TENM1: variants seen among roughly 807,000 people sequenced by gnomAD.
TENM1 encodes the protein teneurin transmembrane protein 1, also known as teneurin-1.
Under a neutral mutation model 174.8 loss-of-function variants are expected in TENM1, and 35 were observed. The ratio of observed to expected loss-of-function variants is 0.20; its 90% CI spans 0.15 to 0.27. TENM1 has a LOEUF of 0.27. Ranked by LOEUF, TENM1 falls within the 10% of genes least tolerant of loss-of-function variation. The pLI is 1.00. For missense variants in TENM1, 1,633 were observed against 2,130.1 expected (o/e 0.77, Z 4.59); for synonymous variants, 781 against 798.7 (o/e 0.98, Z 0.37).
At chrX:124,689,556 A>T (rs2052463426) in intron 5 of TENM1, among the ~76,000 whole-genome samples, 1 of 111,863 alleles carries the variant, frequency 8.9e-6, no homozygotes, top group African/African-American at 3.2e-5. Flanking sequence ...AAGTGAGGGC[A>T]CAGGCTCTTT....
chrX:124,509,877 C>A (rs1163874031), intron 18 of TENM1, among the ~76,000 whole-genome samples: 3 of 107,539 alleles, frequency 2.8e-5, no homozygotes, highest in African/African-American at 1.1e-4. Context: ...TGTGCCACCA[C>A]GCCTGGCTAA....
intron 1 of TENM1, among the ~76,000 whole-genome samples, chrX:124,917,199 C>T (rs1453674635): frequency 8.9e-6 from 1 of 111,863 alleles, no homozygotes; most frequent in Non-Finnish European, 1.9e-5. Flanking sequence ...ATAAAGCTGG[C>T]CTGCAGAGAG....
At chrX:124,426,436 C>T (rs901985438) in intron 23 of TENM1, among the ~76,000 whole-genome samples, 20 of 112,134 alleles carry the variant, frequency 1.8e-4, no homozygotes, top group Admixed American at 1.6e-3. Flanking sequence ...CCTACTACTT[C>T]CCCAGCTCAA....
At chrX:124,464,240 A>G (rs1353085008) in intron 22 of TENM1, among the ~76,000 whole-genome samples, 1 of 111,458 alleles carries the variant, frequency 9.0e-6, no homozygotes, top group African/African-American at 3.3e-5. Flanking sequence ...GCAAAAAACT[A>G]ATTGCAGTTG....
At chrX:124,702,892 C>T (rs2052808385) in intron 5 of TENM1, among the ~76,000 whole-genome samples, 1 of 111,233 alleles carries the variant, frequency 9.0e-6, no homozygotes, top group African/African-American at 3.3e-5. Flanking sequence ...CATTTTTTTC[C>T]AACAAACTTT....
At chrX:124,611,030 G>A (rs748158943) in intron 11 of TENM1, among the ~76,000 whole-genome samples, 10 of 110,782 alleles carry the variant, frequency 9.0e-5, no homozygotes, top group Admixed American at 7.7e-4. Context: ...TGGGACACTT[G>A]GACTAGTCAG....
At chrX:124,881,485 C>T (rs2057301305) in intron 3 of TENM1, among the ~76,000 whole-genome samples, 1 of 109,020 alleles carries the variant, frequency 9.2e-6, no homozygotes, top group South Asian at 3.9e-4. Context: ...ATTTGTTGTT[C>T]CTTTGTATTA....
chrX:124,793,246 T>C (rs1435416429), intron 3 of TENM1, among the ~76,000 whole-genome samples: 1 of 111,737 alleles, frequency 8.9e-6, no homozygotes, highest in Admixed American at 9.5e-5. Context: ...GTTTCTATGA[T>C]GATCAGTAAA....
intron 11 of TENM1, among the ~76,000 whole-genome samples, chrX:124,614,728 C>A (rs1334839114): frequency 8.9e-6 from 1 of 111,867 alleles, no homozygotes; most frequent in Non-Finnish European, 1.9e-5. Context: ...ACTAAAAATA[C>A]AAAAATTAGC....
At chrX:124,867,480 A>G in intron 3 of TENM1, among the ~76,000 whole-genome samples, 1 of 112,117 alleles carries the variant, frequency 8.9e-6, no homozygotes, top group Non-Finnish European at 1.9e-5. Flanking sequence ...GGATAGAAGA[A>G]AGATATCCCA....
chrX:125,088,230 A>G, the TENM1 span, among the ~76,000 whole-genome samples: 1 of 111,648 alleles, frequency 9.0e-6, no homozygotes, highest in African/African-American at 3.3e-5. Flanking sequence ...ATATTTCATA[A>G]AACACCTAAT....
At position 124,847,556 on chromosome X, in the gene TENM1, A is replaced by ATGTG. The variant is rs370189803; in HGVS notation, c.535+46736_535+46739dup. Among the ~76,000 whole-genome samples, 676 of 109,981 alleles carry ATGTG rather than the reference A, an allele frequency of 6.1e-3. 1 individual carries two copies. Among genetic ancestry groups the ATGTG allele is most frequent in the African/African-American group, 0.021 (643 of 30,284 alleles). On this transcript the variant is annotated intron_variant, in intron 3 of 31. Coordinates refer to ENST00000422452, the Ensembl canonical transcript of TENM1. ...ATAAATTGTAGACATAATTAATTGA[A>ATGTG]TGTGTGTGTGTGTGTGCAAAACAGA...
chrX:124,707,625 T>C (rs2052941724), intron 4 of TENM1, among the ~76,000 whole-genome samples: 1 of 111,513 alleles, frequency 9.0e-6, no homozygotes, highest in African/African-American at 3.3e-5. Context: ...GTTCCAGAAA[T>C]ACCCATGTTT....
intron 6 of TENM1, among the ~76,000 whole-genome samples, chrX:124,671,274 A>G (rs1328380562): frequency 9.0e-6 from 1 of 111,244 alleles, no homozygotes; most frequent in Non-Finnish European, 1.9e-5. Flanking sequence ...ATTAAGCAGA[A>G]AAAGCTTTTT....
At chrX:124,605,887 GA>G (rs1821170584) in intron 11 of TENM1, among the ~76,000 whole-genome samples, 1 of 111,654 alleles carries the variant, frequency 9.0e-6, no homozygotes, top group Non-Finnish European at 1.9e-5. Flanking sequence ...TTGCTGACTT[GA>G]AAAGCTGAAT....
intron 3 of TENM1, among the ~76,000 whole-genome samples, chrX:124,893,025 T>C (rs1055583865): frequency 8.9e-6 from 1 of 112,151 alleles, no homozygotes; most frequent in East Asian, 2.8e-4. Context: ...CAAATTAACA[T>C]GCTTTTGGAA....
At chrX:125,020,317 G>A in the TENM1 span, among the ~76,000 whole-genome samples, 1 of 111,247 alleles carries the variant, frequency 9.0e-6, no homozygotes, top group African/African-American at 3.3e-5. Flanking sequence ...GGCTTCAAAA[G>A]TACTTGGCAT....
At chrX:124,777,222 C>T (rs1482311632) in intron 3 of TENM1, among the ~76,000 whole-genome samples, 1 of 111,552 alleles carries the variant, frequency 9.0e-6, no homozygotes, top group Non-Finnish European at 1.9e-5. Flanking sequence ...TGCTCTTAAC[C>T]TCTGAAGGTC....
intron 1 of TENM1, among the ~76,000 whole-genome samples, chrX:124,939,190 T>C (rs1376235942): frequency 3.6e-5 from 4 of 112,109 alleles, no homozygotes; most frequent in African/African-American, 6.5e-5. Flanking sequence ...CCGCCAATGA[T>C]AGCCTATGCT....
Sources: allele counts gnomAD v4.1 joint callset (sites outside exome capture counted in the v4.1 genomes callset), GRCh38; gene constraint gnomAD v4.1.1; transcripts MANE v1.5; gene names NCBI Gene and HGNC (gene_info 2026-07-23, HGNC 2026-07-21).